The following GALK2 variants were observed in gnomAD, a reference collection of about 807,000 sequenced individuals.
GALK2 encodes N-acetylgalactosamine kinase.
Under a neutral mutation model 52.4 loss-of-function variants are expected in GALK2, and 36 were observed. The observed-to-expected ratio is 0.69, with a 90% confidence interval of 0.53 to 0.91. The LOEUF (loss-of-function observed/expected upper bound fraction) is 0.91. Ranked by LOEUF, GALK2 falls within the 40% of genes least tolerant of loss-of-function variation. GALK2 has a pLI of 0.00. For synonymous variants in GALK2, 176 were observed against 199.1 expected (o/e 0.88, Z 0.98); for missense variants, 579 against 559.1 (o/e 1.04, Z -0.36).
At chr15:49,206,910 T>C (rs1257478884) in intron 2 of GALK2, among the ~76,000 whole-genome samples, 1 of 152,200 alleles carries the variant, frequency 6.6e-6, no homozygotes, top group Non-Finnish European at 1.5e-5. Context: ...ATCTTAGTCT[T>C]GTCCCAGTTC....
intron 7 of GALK2, among the ~76,000 whole-genome samples, chr15:49,285,193 GTCT>G (rs2033205743): frequency 6.6e-6 from 1 of 152,128 alleles, no homozygotes; most frequent in Non-Finnish European, 1.5e-5. Flanking sequence ...ATGCTTTTCA[GTCT>G]TCATCTTATT....
intron 3 of GALK2, 123 bp downstream of exon 3, chr15:49,217,436 T>TA (rs1268443631): frequency 6.1e-6 from 6 of 985,238 alleles, no homozygotes; most frequent in Admixed American, 4.9e-5. Flanking sequence ...TGTCTGACAT[T>TA]AAAAAAATTC....
At chr15:49,229,495 G>T (rs2090381101) in intron 3 of GALK2, among the ~76,000 whole-genome samples, 1 of 152,214 alleles carries the variant, frequency 6.6e-6, no homozygotes, top group South Asian at 2.1e-4. Context: ...GTGGAAGCTA[G>T]CTGTGGTAGT....
intron 3 of GALK2, among the ~76,000 whole-genome samples, chr15:49,350,500 TTAC>T (rs2042085609): frequency 6.6e-6 from 1 of 152,210 alleles, no homozygotes; most frequent in Non-Finnish European, 1.5e-5. Context: ...TGTTAAGTTT[TTAC>T]TGGGAGATGC....
chr15:49,166,083 G>T (rs1178573884), upstream of GALK2, among the ~76,000 whole-genome samples: 1 of 151,678 alleles, frequency 6.6e-6, no homozygotes, highest in Non-Finnish European at 1.5e-5. Context: ...ATTACACTGC[G>T]CCCGGCCCAA....
intron 8 of GALK2, among the ~76,000 whole-genome samples, chr15:49,297,903 G>A (rs894329280): frequency 1.3e-4 from 20 of 149,720 alleles, no homozygotes; most frequent in Non-Finnish European, 1.5e-5. Context: ...GGCTATTTGG[G>A]CCCATTTTTT....
At chr15:49,173,556 A>G (rs1225406296) in intron 1 of GALK2, among the ~76,000 whole-genome samples, 1 of 152,066 alleles carries the variant, frequency 6.6e-6, no homozygotes, top group Admixed American at 6.5e-5. Flanking sequence ...CTCTTCTTAG[A>G]AGTTATTCAT....
chr15:49,170,537 G>C, intron 1 of GALK2, 162 bp downstream of exon 1: 1 of 646,966 alleles, frequency 1.5e-6, no homozygotes, highest in Non-Finnish European at 2.7e-6. Flanking sequence ...TTGCAAAAAA[G>C]ATCACGCCGC....
chr15:49,238,055 A>G (rs1266750969), intron 4 of GALK2, among the ~76,000 whole-genome samples: 1 of 152,170 alleles, frequency 6.6e-6, no homozygotes, highest in African/African-American at 2.4e-5. Flanking sequence ...AAATTAAGGA[A>G]AAAGGTCTTT....
At chr15:49,260,842 G>T (rs1220713770) in intron 5 of GALK2, among the ~76,000 whole-genome samples, 1 of 152,030 alleles carries the variant, frequency 6.6e-6, no homozygotes, top group Non-Finnish European at 1.5e-5. Context: ...CCCATTGCTT[G>T]TTTTTCTCAG....
intron 2 of GALK2, among the ~76,000 whole-genome samples, chr15:49,213,674 T>G (rs2089128212): frequency 6.6e-6 from 1 of 152,218 alleles, no homozygotes; most frequent in African/African-American, 2.4e-5. Context: ...TTAGTCCATT[T>G]ATATTCGATG....
rs1348869631 is a variant in GALK2, at chr15:49,358,057, T to C, written c.427-9434T>C. Among the ~76,000 whole-genome samples the C allele has an allele frequency of 3.3e-5, 5 of 152,232 alleles. No homozygotes were observed. In the East Asian group the frequency reaches 9.7e-4, roughly 29 times the overall value. On this transcript the variant is annotated intron_variant, in intron 3 of 3. Transcript: ENST00000558399. Reference sequence around the variant, plus strand: ...CAACAACCCTTCATGCTAAAAGCTATCAATAAATTAGGTATTGATGGGACG... The same window carrying C: ...CAACAACCCTTCATGCTAAAAGCTACCAATAAATTAGGTATTGATGGGACG...
downstream of GALK2, among the ~76,000 whole-genome samples, chr15:49,336,527 T>G (rs2039743117): frequency 6.6e-6 from 1 of 152,228 alleles, no homozygotes; most frequent in Non-Finnish European, 1.5e-5. Context: ...CCACTCCCAT[T>G]GTGAAACAAA....
chr15:49,202,262 C>T (rs1014294252), intron 2 of GALK2, among the ~76,000 whole-genome samples: 2 of 152,174 alleles, frequency 1.3e-5, no homozygotes, highest in African/African-American at 4.8e-5. Flanking sequence ...GCCTTGGCCT[C>T]CCAAAGTGCT....
At chr15:49,156,619 T>C in intron 1 of GALK2, 1 of 521,898 alleles carries the variant, frequency 1.9e-6, no homozygotes, top group Non-Finnish European at 3.8e-6. Context: ...CGAAAGGCCA[T>C]CACTTTGATA....
intron 8 of GALK2, among the ~76,000 whole-genome samples, chr15:49,316,201 G>A (rs1235170733): frequency 1.3e-5 from 2 of 152,064 alleles, no homozygotes; most frequent in Non-Finnish European, 1.5e-5. Flanking sequence ...GTAAACTGGT[G>A]GACAATTGGG....
At chr15:49,279,704 A>G (rs1377757869) in intron 5 of GALK2, among the ~76,000 whole-genome samples, 1 of 152,202 alleles carries the variant, frequency 6.6e-6, no homozygotes, top group African/African-American at 2.4e-5. Context: ...GACTTTTTAC[A>G]CTGGCCCAGG....
intron 3 of GALK2, among the ~76,000 whole-genome samples, chr15:49,347,822 C>T (rs534607059): frequency 1.3e-5 from 2 of 152,010 alleles, no homozygotes; most frequent in South Asian, 2.1e-4. Flanking sequence ...AGTTCAAGAC[C>T]AGCCTGGCCA....
At chr15:49,283,351 TC>T (rs1309729935) in intron 6 of GALK2, among the ~76,000 whole-genome samples, 1 of 152,218 alleles carries the variant, frequency 6.6e-6, no homozygotes, top group Non-Finnish European at 1.5e-5. Context: ...AGACTGTCTT[TC>T]CCACTTGATT....
Sources: allele counts gnomAD v4.1 joint callset (sites outside exome capture counted in the v4.1 genomes callset), GRCh38; gene constraint gnomAD v4.1.1; transcripts MANE v1.5; gene names NCBI Gene and HGNC (gene_info 2026-07-23, HGNC 2026-07-21).